The following UHRF2 variants were observed in gnomAD, a reference collection of about 807,000 sequenced individuals.
UHRF2 encodes the protein E3 ubiquitin-protein ligase UHRF2.
UHRF2 carries 23 observed loss-of-function variants against 96.8 expected under a neutral mutation model. That is an observed-to-expected ratio of 0.24 (90% CI 0.17 to 0.34). The LOEUF (loss-of-function observed/expected upper bound fraction) is 0.34. UHRF2 is among the 10% of genes least tolerant of loss of function. UHRF2 has a pLI of 1.00. For synonymous variants in UHRF2, 385 were observed against 332.6 expected (o/e 1.16, Z -1.72); for missense variants, 685 against 981.5 (o/e 0.70, Z 4.04).
chr9:6,437,251 TAGAC>T (rs1335760884), intron 3 of UHRF2, among the ~76,000 whole-genome samples: 1 of 152,226 alleles, frequency 6.6e-6, no homozygotes, highest in Non-Finnish European at 1.5e-5. Flanking sequence ...TATTATTTTT[TAGAC>T]AGAGTCTCGT....
chr9:6,458,833 A>G (rs1335360238), intron 3 of UHRF2, among the ~76,000 whole-genome samples: 1 of 152,210 alleles, frequency 6.6e-6, no homozygotes, highest in Non-Finnish European at 1.5e-5. Context: ...CCCGTCGATG[A>G]TAGACTGGAT....
At chr9:6,464,162 G>C (rs1319170639) in intron 4 of UHRF2, among the ~76,000 whole-genome samples, 1 of 152,008 alleles carries the variant, frequency 6.6e-6, no homozygotes, top group Non-Finnish European at 1.5e-5. Flanking sequence ...TTTCATTTTG[G>C]CTTTGATTTG....
intron 3 of UHRF2, among the ~76,000 whole-genome samples, chr9:6,454,602 T>C (rs185780132): frequency 5.3e-5 from 8 of 152,160 alleles, no homozygotes; most frequent in Admixed American, 5.2e-4. Flanking sequence ...AGGATTAATA[T>C]CTATTTAATC....
intron 3 of UHRF2, among the ~76,000 whole-genome samples, chr9:6,452,927 A>G (rs1870696): frequency 6.6e-6 from 1 of 152,088 alleles, no homozygotes; most frequent in Non-Finnish European, 1.5e-5. Flanking sequence ...ATTAGGTAAC[A>G]TTTGAGCGCA....
At chr9:6,423,833 T>G in intron 2 of UHRF2, among the ~76,000 whole-genome samples, 1 of 151,994 alleles carries the variant, frequency 6.6e-6, no homozygotes, top group Non-Finnish European at 1.5e-5. Flanking sequence ...TAATCCCAGC[T>G]ACTCCGGAGG....
intron 3 of UHRF2, among the ~76,000 whole-genome samples, chr9:6,454,482 C>G (rs983985399): frequency 1.3e-5 from 2 of 152,178 alleles, no homozygotes; most frequent in African/African-American, 4.8e-5. Context: ...ATCTTTGATT[C>G]AGTATCAAGT....
intron 3 of UHRF2, among the ~76,000 whole-genome samples, chr9:6,444,660 G>A (rs568863529): frequency 1.3e-5 from 2 of 152,172 alleles, no homozygotes; most frequent in African/African-American, 4.8e-5. Flanking sequence ...GGAGTACAAT[G>A]GCATAATCTC....
intron 14 of UHRF2, chr9:6,504,205 T>G (rs1816461671): frequency 6.5e-6 from 1 of 153,942 alleles, no homozygotes; most frequent in African/African-American, 2.4e-5. Context: ...TTTTGTATTT[T>G]TAGTAGCGAT....
chr9:6,479,634 T>G (rs1259734278), intron 6 of UHRF2, among the ~76,000 whole-genome samples: 1 of 152,168 alleles, frequency 6.6e-6, no homozygotes, highest in African/African-American at 2.4e-5. Flanking sequence ...CTGTATGCAG[T>G]TGGTTAGTTG....
intron 1 of UHRF2, among the ~76,000 whole-genome samples, chr9:6,416,855 C>G (rs1819638280): frequency 6.6e-6 from 1 of 152,124 alleles, no homozygotes; most frequent in Non-Finnish European, 1.5e-5. Flanking sequence ...AGAGCTTTTC[C>G]TATTTTAAAG....
At chr9:6,443,400 G>T (rs115435650) in intron 3 of UHRF2, among the ~76,000 whole-genome samples, 76 of 152,306 alleles carry the variant, frequency 5.0e-4, no homozygotes, top group African/African-American at 1.8e-3. Context: ...GAAGTAACTT[G>T]CTCAGTGTTA....
rs750145049 is a variant in UHRF2, at chr9:6,477,575, TA to T, written c.974-41del. On this transcript the variant is annotated intron_variant, in intron 5 of 15. Coordinates refer to ENST00000276893, the MANE Select transcript of UHRF2 (RefSeq NM_152896.3). ...CTTTTCTTTATGAGATTCATAGATA[TA>T]AAAAATGTTTTAAGACTAGACTTGC... 2.7e-6 allele frequency: 4 copies of T among 1,504,698 alleles called. No individual in the cohort carries two copies. The African/African-American group carries it at 5.6e-5, about 21-fold the overall frequency. 93.2% of individuals were successfully genotyped at this position (1,504,698 alleles called of 1,614,324 possible).
At chr9:6,432,919 C>G (rs1311098398) in intron 2 of UHRF2, among the ~76,000 whole-genome samples, 1 of 151,970 alleles carries the variant, frequency 6.6e-6, no homozygotes, top group African/African-American at 2.4e-5. Flanking sequence ...CCGTTCACTG[C>G]AACCTCCACC....
chr9:6,488,407 A>G (rs1563800569), intron 9 of UHRF2, among the ~76,000 whole-genome samples: 2 of 151,480 alleles, frequency 1.3e-5, no homozygotes, highest in South Asian at 2.1e-4. Flanking sequence ...TTGACACTAT[A>G]CAGTCAGGCT....
In UHRF2 at chr9:6,413,311, G is replaced by A; in HGVS notation, c.-180G>A. On this transcript the variant is annotated 5_prime_UTR_variant, in exon 1 of 16. Transcript: ENST00000276893. ...GTCTCTCCTCAAGTCGGCTAGTCGGGCGCGCGCGCTGAGAGTCGTCGCCGC... is the reference window on the plus strand; with the variant it reads ...GTCTCTCCTCAAGTCGGCTAGTCGGACGCGCGCGCTGAGAGTCGTCGCCGC... 1.0e-5 allele frequency: 4 copies of A among 398,914 alleles called. No individual in the cohort carries two copies. The highest frequency in any genetic ancestry group is 1.5e-5 in the Non-Finnish European group (4 of 268,554). The allele number at this position is 398,914 out of a possible 1,614,324, so 24.7% of individuals were successfully genotyped here. A position where few individuals can be genotyped will look rare whatever the true frequency, so the allele number is the denominator to read the frequency against.
intron 10 of UHRF2, chr9:6,496,802 A>C (rs1825001788): frequency 6.4e-6 from 1 of 155,880 alleles, no homozygotes; most frequent in African/African-American, 2.4e-5. Context: ...TTATTCCAGC[A>C]ATTCACCTTA....
At chr9:6,488,305 A>G in intron 9 of UHRF2, among the ~76,000 whole-genome samples, 1 of 105,240 alleles carries the variant, frequency 9.5e-6, no homozygotes, top group South Asian at 3.1e-4. Context: ...AAAAAAAAAA[A>G]AATGCGGGAA....
intron 6 of UHRF2, among the ~76,000 whole-genome samples, chr9:6,480,314 C>T (rs1349015703): frequency 6.6e-6 from 1 of 152,144 alleles, no homozygotes; most frequent in Non-Finnish European, 1.5e-5. Flanking sequence ...AAATTCTTTC[C>T]GTATATGTTC....
chr9:6,505,925 T>C, intron 15 of UHRF2, 108 bp from the exon 16 acceptor site: 1 of 1,158,330 alleles, frequency 8.6e-7, no homozygotes, highest in East Asian at 2.4e-5. Context: ...GTTCATTCTG[T>C]ACATTTCTCT....
Sources: gnomAD v4.1 joint callset for allele counts (sites outside exome capture counted in the v4.1 genomes callset) on GRCh38, gnomAD v4.1.1 for gene constraint, MANE v1.5 for transcripts, NCBI Gene and HGNC (gene_info 2026-07-23, HGNC 2026-07-21) for gene names.